The following PPP2CA variants were observed in gnomAD, a reference collection of about 807,000 sequenced individuals.
The protein encoded by PPP2CA is serine/threonine-protein phosphatase 2A catalytic subunit alpha isoform.
PPP2CA carries 5 observed loss-of-function variants against 38.8 expected under a neutral mutation model. The observed-to-expected ratio is 0.13, with a 90% CI of 0.07 to 0.27. The LOEUF is 0.27. PPP2CA is among the 10% of genes least tolerant of loss of function. The pLI, the probability that PPP2CA is intolerant of heterozygous loss-of-function variation, is 1.00. For missense variants in PPP2CA, 88 were observed against 389.7 expected, an observed-to-expected ratio of 0.23 and a Z score of 6.52; for synonymous variants, 152 against 134.0, an observed-to-expected ratio of 1.13 and a Z score of -0.93.
rs6862684 is a variant in PPP2CA, at chr5:134,216,557, A to G, written c.102+9203T>C. ...TGCCTCAAAAAAAAAAAAAAAAAAA[A>G]GTGGTTTCCTTCAAAAGAAGGTAGT... On this transcript the variant is annotated intron_variant, in intron 1 of 6. Coordinates refer to ENST00000481195, the MANE Select transcript of PPP2CA (RefSeq NM_002715.4). Among the ~76,000 whole-genome samples, 564 of 111,122 alleles carry G rather than the reference A, an allele frequency of 5.1e-3. 28 individuals are homozygous for G. The highest frequency in any genetic ancestry group is 0.014 in the African/African-American group (404 of 28,256). 72.9% of individuals were successfully genotyped at this position (111,122 alleles called of 152,430 possible).
intron 1 of PPP2CA, among the ~76,000 whole-genome samples, chr5:134,218,904 C>T (rs781361603): frequency 1.3e-5 from 2 of 152,070 alleles, no homozygotes; most frequent in Admixed American, 6.6e-5. Context: ...CTCCTGACCT[C>T]GTGATCCACC....
At chr5:134,204,668 C>T (rs1010518156) in intron 2 of PPP2CA, among the ~76,000 whole-genome samples, 2 of 151,916 alleles carry the variant, frequency 1.3e-5, no homozygotes, top group East Asian at 1.9e-4. Context: ...ATGTTGACTA[C>T]GCTGTTCTTA....
At chr5:134,209,343 A>G (rs1762152236) in intron 1 of PPP2CA, among the ~76,000 whole-genome samples, 2 of 152,188 alleles carry the variant, frequency 1.3e-5, no homozygotes, top group African/African-American at 4.8e-5. Flanking sequence ...CCTTGGAAAG[A>G]ACCAGTTTTA....
chr5:134,199,074 A>T lies in PPP2CA; in HGVS notation c.857+12T>A. ...CAGTAATGCAAGAAAATGTTCAGGT[A>T]GAATTACTTACAAAGAGTATTTTAG... On this transcript the variant is annotated intron_variant, in intron 6 of 6. Transcript: ENST00000481195. 6.3e-7 allele frequency: 1 copy of T among 1,576,116 alleles called. No homozygotes were observed. The highest frequency in any genetic ancestry group is 8.7e-7 in the Non-Finnish European group (1 of 1,145,510).
intron 2 of PPP2CA, among the ~76,000 whole-genome samples, chr5:134,204,526 T>C (rs1049066817): frequency 6.6e-6 from 1 of 152,216 alleles, no homozygotes. Context: ...CAGTGGTGCA[T>C]CATGGCTCAC....
Position 134,201,913 on chromosome 5 carries a change from T to C in PPP2CA, c.421A>G (p.Asn141Asp), listed in dbSNP as rs1303016782. Residue 141 changes from asparagine to aspartate, a missense_variant, in exon 3 of 7, where the codon AAT becomes GAT. Around this residue, in one of 4 missense-constraint regions of PPP2CA, gnomAD observed 36 missense variants for 259.8 expected, o/e 0.14. Coordinates refer to ENST00000481195, the MANE Select transcript of PPP2CA (RefSeq NM_002715.4). The stretch of plus-strand genomic sequence containing the variant: ...AGATCTGTAAAATATTTCCAAACAT[T>C]TGCATTTCCATATTTTCTTAAACAT... The part of the protein sequence containing the change: ...DECLRKYGNA[N>D]VWKYFTDLFD... 2.5e-6 allele frequency: 4 copies of C among 1,613,920 alleles called. No individual in the cohort carries two copies. The highest frequency in any genetic ancestry group is 2.5e-6 in the Non-Finnish European group (3 of 1,179,972).
intron 2 of PPP2CA, chr5:134,202,359 C>A (rs1339999575): frequency 5.3e-6 from 1 of 188,540 alleles, no homozygotes; most frequent in Non-Finnish European, 1.1e-5. Context: ...AGTTTTAGAA[C>A]CTTTCCATTA....
At position 134,225,958 on chromosome 5, in the gene PPP2CA, T is replaced by A; in HGVS notation, c.-97A>T. ...CACACGCCGCCGCCGGTTCCTCGTGTACTTCTGGCGGCTGTTGAGGCTGGC... is the reference window on the plus strand; with the variant it reads ...CACACGCCGCCGCCGGTTCCTCGTGAACTTCTGGCGGCTGTTGAGGCTGGC... On this transcript the variant is annotated 5_prime_UTR_variant, in exon 1 of 7. Coordinates refer to ENST00000481195, the MANE Select transcript of PPP2CA (RefSeq NM_002715.4). 2 of 1,169,728 alleles carry A rather than the reference T, an allele frequency of 1.7e-6. No homozygotes were observed. The highest frequency in any genetic ancestry group is 2.4e-6 in the Non-Finnish European group (2 of 820,548). 72.5% of individuals were successfully genotyped at this position (1,169,728 alleles called of 1,614,324 possible). A position where few individuals can be genotyped will look rare whatever the true frequency, so the allele number is the denominator to read the frequency against.
At chr5:134,203,584 C>T (rs1762012400) in intron 2 of PPP2CA, 1 of 152,238 alleles carries the variant, frequency 6.6e-6, no homozygotes, top group Admixed American at 6.5e-5. Flanking sequence ...ATACCACTTA[C>T]ACTGGATTAG....
intron 1 of PPP2CA, among the ~76,000 whole-genome samples, chr5:134,210,799 A>G (rs1164766889): frequency 1.3e-5 from 2 of 152,212 alleles, no homozygotes; most frequent in Non-Finnish European, 2.9e-5. Context: ...CCTAGGTGAC[A>G]AAGCGAGACT....
intron 2 of PPP2CA, chr5:134,205,628 C>T (rs1762066888): frequency 3.2e-6 from 1 of 312,612 alleles, no homozygotes; most frequent in African/African-American, 2.2e-5. Context: ...GGTGATCTGC[C>T]TACCTCAGCG....
At position 134,201,017 on chromosome 5, in the gene PPP2CA, C is replaced by T. The variant is rs1173077419; in HGVS notation, c.544G>A (p.Ala182Thr). The T allele has an allele frequency of 1.9e-6, 3 of 1,612,654 alleles. No homozygotes were observed. Among genetic ancestry groups the T allele is most frequent in the Non-Finnish European group, 2.5e-6 (3 of 1,178,652 alleles). The change falls in exon 4 of 7, where the codon GCA becomes ACA. Residue 182 changes from alanine to threonine, a missense_variant. Coordinates refer to ENST00000481195, the MANE Select transcript of PPP2CA (RefSeq NM_002715.4). The stretch of plus-strand genomic sequence containing the variant: ...GGAACTTCTTGTAGGCGATCAAGTG[C>T]TCTGATATGATCCAGTGTATCTATA... ...PSIDTLDHIR[A>T]LDRLQEVPHE...
In PPP2CA at chr5:134,225,973, T is replaced by A; in HGVS notation, c.-112A>T. The A allele has an allele frequency of 9.9e-7, 1 of 1,008,750 alleles. No individual in the cohort carries two copies. Among genetic ancestry groups the A allele is most frequent in the Non-Finnish European group, 1.5e-6 (1 of 688,296 alleles). 62.5% of individuals were successfully genotyped at this position (1,008,750 alleles called of 1,614,324 possible). ...GTTCCTCGTGTACTTCTGGCGGCTG[T>A]TGAGGCTGGCGCTGGCCCGCTGGCT... On this transcript the variant is annotated 5_prime_UTR_variant, in exon 1 of 7. Coordinates refer to ENST00000481195, the MANE Select transcript of PPP2CA (RefSeq NM_002715.4).
At chr5:134,205,201 GTGCTGGGAT>G (rs1762053021) in intron 2 of PPP2CA, among the ~76,000 whole-genome samples, 1 of 151,926 alleles carries the variant, frequency 6.6e-6, no homozygotes, top group Admixed American at 6.6e-5. Flanking sequence ...TCCTCCCAAA[GTGCTGGGAT>G]TATAGCCACG....
Position 134,225,766 on chromosome 5 carries a change from G to A in PPP2CA, c.96C>T (p.Cys32=), listed in dbSNP as rs1233435200. 6.2e-7 allele frequency: 1 copy of A among 1,606,964 alleles called. No individual in the cohort carries two copies. The highest frequency in any genetic ancestry group is 2.3e-5 in the East Asian group (1 of 44,384). Residue 32 remains cysteine, a synonymous_variant, in exon 1 of 7, where the codon TGC becomes TGT. Transcript: ENST00000481195. ...CAGCCGTACTACAGCTCACCTTCTC[G>A]CAGAGGCTCTTGACCTGGGACTCGG... ...QLSESQVKSL[C]EKAKEILTKE... is the part of the protein sequence containing the mutation.
In PPP2CA at chr5:134,197,704, G is replaced by A; in HGVS notation, c.*68C>T. The A allele has an allele frequency of 7.8e-7, 1 of 1,278,490 alleles. No homozygotes were observed. Among genetic ancestry groups the A allele is most frequent in the Non-Finnish European group, 1.1e-6 (1 of 881,014 alleles). 79.2% of individuals were successfully genotyped at this position (1,278,490 alleles called of 1,614,324 possible). ...TATTTTCTGACACTTTGGAGTTACTGTTGCTCTTCCCATTTCCATTAGGTC... is the reference window on the plus strand; with the variant it reads ...TATTTTCTGACACTTTGGAGTTACTATTGCTCTTCCCATTTCCATTAGGTC... On this transcript the variant is annotated 3_prime_UTR_variant, in exon 7 of 7. Coordinates refer to ENST00000481195, the MANE Select transcript of PPP2CA (RefSeq NM_002715.4).
chr5:134,223,305 T>C lies in PPP2CA; in HGVS notation c.102+2455A>G, dbSNP rs141589680. ...CCCAGAGATGCCATTGGCACACAAA[T>C]ATTAACAGTGAAAGACAGCTTTTGT... On this transcript the variant is annotated intron_variant, in intron 1 of 6. Coordinates refer to ENST00000481195, the MANE Select transcript of PPP2CA (RefSeq NM_002715.4). 6.6e-3 allele frequency among the ~76,000 whole-genome samples: 1,007 copies of C among 152,300 alleles called. 12 individuals are homozygous for C. The highest frequency in any genetic ancestry group is 0.022 in the African/African-American group (923 of 41,556).
intron 1 of PPP2CA, among the ~76,000 whole-genome samples, chr5:134,215,792 G>C (rs944461601): frequency 1.3e-5 from 2 of 152,038 alleles, no homozygotes; most frequent in African/African-American, 4.8e-5. Flanking sequence ...TAACTCCTAA[G>C]CAGACTCTCA....
rs573300938 is a variant in PPP2CA at position 134,222,989 on chromosome 5, G to A, written c.102+2771C>T. Among the ~76,000 whole-genome samples, 59 of 152,130 alleles carry A rather than the reference G, an allele frequency of 3.9e-4. 1 individual carries two copies. In the South Asian group the frequency reaches 0.012, roughly 32 times the overall value. On this transcript the variant is annotated intron_variant, in intron 1 of 6. Transcript: ENST00000481195. Reference sequence around the variant, plus strand: ...ACATGTAACACTGTTAATTGTTGATGGGTTAACAAAATAATGGCCTCAGGA... The same window carrying A: ...ACATGTAACACTGTTAATTGTTGATAGGTTAACAAAATAATGGCCTCAGGA...
Sources: allele counts gnomAD v4.1 joint callset (sites outside exome capture counted in the v4.1 genomes callset), GRCh38; gene constraint gnomAD v4.1.1; regional missense constraint gnomAD v4.1.1; transcripts MANE v1.5; gene names NCBI Gene and HGNC (gene_info 2026-07-23, HGNC 2026-07-21).